The following SCARB2 variants were observed in gnomAD, a reference collection of about 807,000 sequenced individuals.
SCARB2 encodes the protein lysosome membrane protein 2.
A neutral mutation model predicts 58.6 loss-of-function variants in SCARB2; 29 were observed. The ratio of observed to expected loss-of-function variants is 0.49; its 90% CI spans 0.37 to 0.67. SCARB2 has a LOEUF of 0.67. Ranked by LOEUF, SCARB2 falls within the 30% of genes least tolerant of loss-of-function variation. The pLI, the probability that SCARB2 is intolerant of heterozygous loss-of-function variation, is 0.00. For missense variants in SCARB2, 488 were observed against 578.5 expected (o/e 0.84, Z 1.60); for synonymous variants, 195 against 210.1 (o/e 0.93, Z 0.62).
rs969699879 is a variant in SCARB2, at chr4:76,160,789, A to G, written c.*924T>C. On this transcript the variant is annotated 3_prime_UTR_variant, in exon 12 of 12. Coordinates refer to ENST00000264896, the MANE Select transcript of SCARB2 (RefSeq NM_005506.4). Reference sequence around the variant, plus strand: ...ATTTCCCATATTCATAATTTTACAAATAATCACTCAATATTAGATTAATTA... The same window carrying G: ...ATTTCCCATATTCATAATTTTACAAGTAATCACTCAATATTAGATTAATTA... 6.6e-6 allele frequency: 1 copy of G among 152,236 alleles called. No homozygotes were observed. Among genetic ancestry groups the G allele is most frequent in the South Asian group, 2.1e-4 (1 of 4,826 alleles). The allele number at this position is 152,236 out of a possible 1,614,324, so 9.4% of individuals were successfully genotyped here.
chr4:76,189,109 T>C (rs1732547721), intron 2 of SCARB2, among the ~76,000 whole-genome samples: 1 of 152,246 alleles, frequency 6.6e-6, no homozygotes, highest in South Asian at 2.1e-4. Flanking sequence ...TGAAGATGTT[T>C]AATTTACATA....
intron 1 of SCARB2, among the ~76,000 whole-genome samples, chr4:76,198,654 C>G (rs1282899383): frequency 6.6e-6 from 1 of 152,172 alleles, no homozygotes; most frequent in Non-Finnish European, 1.5e-5. Flanking sequence ...CTGGCCACTT[C>G]TTAGTTGAGT....
At chr4:76,222,088 C>A (rs1328641114) in intron 1 of SCARB2, among the ~76,000 whole-genome samples, 3 of 152,232 alleles carry the variant, frequency 2.0e-5, no homozygotes, top group African/African-American at 7.2e-5. Flanking sequence ...CACAGAATTT[C>A]AGGGAGGCTG....
chr4:76,184,012 T>A (rs1448993486), intron 2 of SCARB2, among the ~76,000 whole-genome samples: 1 of 152,188 alleles, frequency 6.6e-6, no homozygotes, highest in African/African-American at 2.4e-5. Context: ...ACACATCATA[T>A]CACACTAAGC....
chr4:76,179,827 C>A (rs374730611), intron 3 of SCARB2, 122 bp from the exon 4 acceptor site: 7 of 832,268 alleles, frequency 8.4e-6, no homozygotes, highest in East Asian at 4.9e-5. Context: ...GATTAAATAG[C>A]TGAAAAATCA....
chr4:76,199,762 C>G (rs78582124), intron 1 of SCARB2, among the ~76,000 whole-genome samples: 3,496 of 152,226 alleles, frequency 0.023, 120 homozygotes, highest in African/African-American at 0.08. Flanking sequence ...TGCGTGAGGT[C>G]ACTGTCAGCT....
At chr4:76,226,761 T>C (rs1013977260) in intron 1 of SCARB2, among the ~76,000 whole-genome samples, 3 of 152,222 alleles carry the variant, frequency 2.0e-5, no homozygotes, top group African/African-American at 7.2e-5. Context: ...GAGTGTTGTA[T>C]ATTTCCAGGA....
intron 1 of SCARB2, 28 bp downstream of exon 1, chr4:76,213,399 A>AAC (rs765485572): frequency 4.6e-6 from 7 of 1,511,988 alleles, no homozygotes; most frequent in Non-Finnish European, 6.4e-6. Flanking sequence ...ACGACTCCAC[A>AAC]ACACACACAC....
intron 1 of SCARB2, among the ~76,000 whole-genome samples, chr4:76,227,556 T>C (rs1733419237): frequency 6.6e-6 from 1 of 152,210 alleles, no homozygotes. Context: ...ATCTGGGGTA[T>C]AGTTTCAGTC....
intron 7 of SCARB2, chr4:76,173,077 A>G (rs971594359): frequency 6.6e-6 from 1 of 152,156 alleles, no homozygotes; most frequent in African/African-American, 2.4e-5. Flanking sequence ...TCTACTATCT[A>G]GTAAGTTCAT....
intron 1 of SCARB2, among the ~76,000 whole-genome samples, chr4:76,200,129 G>C (rs1321852454): frequency 6.6e-6 from 1 of 152,218 alleles, no homozygotes; most frequent in African/African-American, 2.4e-5. Flanking sequence ...CCCTTTGCCA[G>C]TCTGAACAGA....
At chr4:76,213,210 G>A (rs1733097930) in intron 1 of SCARB2, 1 of 583,006 alleles carries the variant, frequency 1.7e-6, no homozygotes, top group African/African-American at 1.9e-5. Flanking sequence ...AGGATCCATA[G>A]CCTTACTTAT....
intron 1 of SCARB2, among the ~76,000 whole-genome samples, chr4:76,211,886 T>A (rs1337581514): frequency 6.6e-6 from 1 of 152,218 alleles, no homozygotes; most frequent in African/African-American, 2.4e-5. Flanking sequence ...TTCCCTGTAC[T>A]ATTACTTATC....
At chr4:76,233,279 CA>C (rs35816660) in intron 1 of SCARB2, among the ~76,000 whole-genome samples, 23,682 of 152,144 alleles carry the variant, frequency 0.16, 2,123 homozygotes, top group East Asian at 0.35. Flanking sequence ...CATGTGTCCC[CA>C]GGCCTTACCA....
intron 2 of SCARB2, chr4:76,195,466 A>G (rs1176876142): frequency 3.7e-6 from 2 of 533,546 alleles, no homozygotes; most frequent in African/African-American, 3.8e-5. Context: ...CAGTCTGCCA[A>G]CTCAGGAGGA....
chr4:76,220,090 G>A (rs1481650833), intron 1 of SCARB2, among the ~76,000 whole-genome samples: 1 of 152,188 alleles, frequency 6.6e-6, no homozygotes, highest in Non-Finnish European at 1.5e-5. Flanking sequence ...AGGAGATAGA[G>A]ATGCAAATCA....
At chr4:76,230,507 C>T (rs79211851) in intron 1 of SCARB2, among the ~76,000 whole-genome samples, 5,871 of 152,268 alleles carry the variant, frequency 0.039, 331 homozygotes, top group African/African-American at 0.12. Flanking sequence ...CACGATGGGC[C>T]ATGGCTCCTG....
intron 1 of SCARB2, among the ~76,000 whole-genome samples, chr4:76,228,500 GA>G (rs1288050862): frequency 2.0e-5 from 3 of 151,140 alleles, no homozygotes; most frequent in Non-Finnish European, 3.0e-5. Flanking sequence ...AAGAAAGAAA[GA>G]AAAAAAATTT....
chr4:76,184,652 T>G, intron 2 of SCARB2: 1 of 235,728 alleles, frequency 4.2e-6, no homozygotes, highest in Non-Finnish European at 8.5e-6. Flanking sequence ...CGTGGTGACA[T>G]GTACCTGTAG....
Sources: allele counts gnomAD v4.1 joint callset (sites outside exome capture counted in the v4.1 genomes callset), GRCh38; gene constraint gnomAD v4.1.1; transcripts MANE v1.5; gene names NCBI Gene and HGNC (gene_info 2026-07-23, HGNC 2026-07-21).